The following PDGFD variants were observed in gnomAD, a reference collection of about 807,000 sequenced individuals.
The protein encoded by PDGFD is platelet derived growth factor D, also known as platelet-derived growth factor D.
In PDGFD, 30 loss-of-function variants were observed where a neutral mutation model predicts 44.7. The observed-to-expected ratio is 0.67, with a 90% CI of 0.50 to 0.91. The LOEUF (loss-of-function observed/expected upper bound fraction) is 0.91. Ranked by LOEUF, PDGFD falls within the 40% of genes least tolerant of loss-of-function variation. The probability of loss-of-function intolerance (pLI) is 0.00; values close to 1 mark genes in which losing one functional copy is unlikely to be tolerated. For synonymous variants in PDGFD, 173 were observed against 168.4 expected, an observed-to-expected ratio of 1.03 and a Z score of -0.21; for missense variants, 445 against 457.8, an observed-to-expected ratio of 0.97 and a Z score of 0.25.
intron 1 of PDGFD, among the ~76,000 whole-genome samples, chr11:104,086,023 A>T (rs1036175178): frequency 2.0e-5 from 3 of 152,194 alleles, no homozygotes; most frequent in African/African-American, 7.2e-5. Context: ...TTTTAAGCCG[A>T]AAGTGACATG....
intron 1 of PDGFD, among the ~76,000 whole-genome samples, chr11:104,017,936 TCTA>T (rs1178416415): frequency 1.3e-5 from 2 of 152,114 alleles, no homozygotes; most frequent in African/African-American, 4.8e-5. Context: ...GATTTGAAAA[TCTA>T]CTACAGTGAC....
intron 1 of PDGFD, among the ~76,000 whole-genome samples, chr11:104,148,032 G>A (rs1264381455): frequency 6.6e-6 from 1 of 152,284 alleles, no homozygotes; most frequent in East Asian, 1.9e-4. Context: ...AGTGCCAGCT[G>A]CTGTTTTTAT....
At chr11:104,107,945 T>C (rs1861494142) in intron 1 of PDGFD, among the ~76,000 whole-genome samples, 1 of 152,162 alleles carries the variant, frequency 6.6e-6, no homozygotes, top group Non-Finnish European at 1.5e-5. Context: ...AACATGTCCG[T>C]ATCATCAGCT....
At chr11:103,912,201 A>G (rs1858038824) in intron 6 of PDGFD, among the ~76,000 whole-genome samples, 1 of 152,238 alleles carries the variant, frequency 6.6e-6, no homozygotes, top group Non-Finnish European at 1.5e-5. Flanking sequence ...GTTGAAATGA[A>G]GGAAAAAATG....
chr11:103,938,327 T>C (rs1858526273), intron 5 of PDGFD, among the ~76,000 whole-genome samples: 3 of 152,264 alleles, frequency 2.0e-5, no homozygotes, highest in Admixed American at 2.0e-4. Context: ...TTTTTTCATG[T>C]GTTTTTTGGC....
intron 1 of PDGFD, among the ~76,000 whole-genome samples, chr11:104,078,030 T>TGCCGCTGGTTAC (rs1450324647): frequency 2.0e-5 from 3 of 152,018 alleles, no homozygotes; most frequent in South Asian, 4.2e-4. Context: ...ATGCTGGTTA[T>TGCCGCTGGTTAC]GCCACTGGTC....
At chr11:103,973,636 G>A (rs1859138267) in intron 3 of PDGFD, among the ~76,000 whole-genome samples, 1 of 152,136 alleles carries the variant, frequency 6.6e-6, no homozygotes, top group South Asian at 2.1e-4. Context: ...ACTCAGGCTT[G>A]GATAGCTGAA....
intron 1 of PDGFD, among the ~76,000 whole-genome samples, chr11:104,068,705 CAT>C (rs1177394969): frequency 2.0e-5 from 3 of 152,072 alleles, no homozygotes; most frequent in South Asian, 2.1e-4. Flanking sequence ...TACTTTATAA[CAT>C]ATTTGGATGT....
At chr11:103,975,567 A>G (rs945753921) in intron 3 of PDGFD, among the ~76,000 whole-genome samples, 2 of 152,192 alleles carry the variant, frequency 1.3e-5, no homozygotes, top group Non-Finnish European at 2.9e-5. Flanking sequence ...GTCTTTGCCC[A>G]TGCCCATGTC....
chr11:104,083,426 A>G (rs1333731761), intron 1 of PDGFD, among the ~76,000 whole-genome samples: 2 of 152,330 alleles, frequency 1.3e-5, no homozygotes, highest in East Asian at 3.9e-4. Context: ...GAAATGACAC[A>G]TTCCACAATA....
chr11:104,078,592 G>A lies in PDGFD; in HGVS notation c.125-78337C>T, dbSNP rs974469680. ...TATATTTTTTCGGATAATTTATTAT[G>A]TGTTTCATGTGATTTAGTTCCTTAA... On this transcript the variant is annotated intron_variant, in intron 1 of 6. Coordinates refer to ENST00000393158, the MANE Select transcript of PDGFD (RefSeq NM_025208.5). 5.8e-5 allele frequency among the ~76,000 whole-genome samples: 3 copies of A among 51,310 alleles called. No individual in the cohort carries two copies. The African/African-American group carries it at 6.2e-4, about 11-fold the overall frequency. The allele number at this position is 51,310 out of a possible 152,430, so 33.7% of individuals were successfully genotyped here.
chr11:103,988,885 G>A (rs10791659), intron 3 of PDGFD, among the ~76,000 whole-genome samples: 21,853 of 152,154 alleles, frequency 0.14, 1,909 homozygotes, highest in African/African-American at 0.24. Flanking sequence ...CATGCTTCAT[G>A]GAGATGCATT....
intron 2 of PDGFD, among the ~76,000 whole-genome samples, chr11:103,999,016 A>G (rs1859579842): frequency 6.6e-6 from 1 of 152,170 alleles, no homozygotes; most frequent in Non-Finnish European, 1.5e-5. Flanking sequence ...AAAAGACGCA[A>G]GATCAGCATT....
Position 103,915,310 on chromosome 11 carries a change from A to G in PDGFD, c.988-5491T>C, listed in dbSNP as rs566023850. On this transcript the variant is annotated intron_variant, in intron 6 of 6. Transcript: ENST00000393158. ...CATTCTTATACGCCAATAATAGACAAACAGAGAGCCAAATCATGAGTGAAC... is the reference window on the plus strand; with the variant it reads ...CATTCTTATACGCCAATAATAGACAGACAGAGAGCCAAATCATGAGTGAAC... 8.5e-5 allele frequency among the ~76,000 whole-genome samples: 13 copies of G among 152,328 alleles called. No homozygotes were observed. The East Asian group carries it at 2.5e-3, about 29-fold the overall frequency.
chr11:104,025,022 C>T (rs1395077326), intron 1 of PDGFD, among the ~76,000 whole-genome samples: 1 of 152,192 alleles, frequency 6.6e-6, no homozygotes. Context: ...ACATTGAGAT[C>T]CTTCTCTTAA....
chr11:104,048,640 C>T (rs1860480193), intron 1 of PDGFD, among the ~76,000 whole-genome samples: 1 of 152,186 alleles, frequency 6.6e-6, no homozygotes, highest in Admixed American at 6.5e-5. Flanking sequence ...CTGATACAGG[C>T]CATTCCCAAA....
intron 1 of PDGFD, among the ~76,000 whole-genome samples, chr11:104,032,236 G>T (rs1475470161): frequency 6.6e-6 from 1 of 152,076 alleles, no homozygotes; most frequent in Non-Finnish European, 1.5e-5. Flanking sequence ...ACTATCCAAA[G>T]AAATACATGT....
intron 3 of PDGFD, among the ~76,000 whole-genome samples, chr11:103,971,818 G>A (rs1366040751): frequency 6.6e-6 from 1 of 152,098 alleles, no homozygotes; most frequent in African/African-American, 2.4e-5. Context: ...TTGTAACATT[G>A]ACTACATCCT....
At chr11:104,082,818 G>C (rs1861065601) in intron 1 of PDGFD, among the ~76,000 whole-genome samples, 3 of 151,978 alleles carry the variant, frequency 2.0e-5, no homozygotes, top group Non-Finnish European at 4.4e-5. Context: ...TTTTTGTAGA[G>C]ACAGGGTCCA....
Sources: allele counts gnomAD v4.1 joint callset (sites outside exome capture counted in the v4.1 genomes callset), GRCh38; gene constraint gnomAD v4.1.1; transcripts MANE v1.5; gene names NCBI Gene and HGNC (gene_info 2026-07-23, HGNC 2026-07-21).